The following NAALADL2 variants were observed in gnomAD, a reference collection of about 807,000 sequenced individuals.
NAALADL2 encodes inactive N-acetylated-alpha-linked acidic dipeptidase-like protein 2.
Under a neutral mutation model 87.2 loss-of-function variants are expected in NAALADL2, and 76 were observed. The ratio of observed to expected loss-of-function variants is 0.87; its 90% CI spans 0.72 to 1.05. NAALADL2 has a LOEUF of 1.05. Among genes scored for constraint, NAALADL2 ranks in the 50% least tolerant of loss-of-function variants. The pLI is 0.00. For missense variants in NAALADL2, 1,089 were observed against 945.8 expected, an observed-to-expected ratio of 1.15 and a Z score of -1.99; for synonymous variants, 354 against 331.0, an observed-to-expected ratio of 1.07 and a Z score of -0.75.
intron 4 of NAALADL2, among the ~76,000 whole-genome samples, chr3:175,277,473 G>A (rs112727323): frequency 6.0e-4 from 92 of 152,268 alleles, no homozygotes; most frequent in African/African-American, 2.0e-3. Context: ...ACGGGACAGT[G>A]AAGGACTGTG....
intron 1 of NAALADL2, among the ~76,000 whole-genome samples, chr3:175,069,849 C>A (rs1247103763): frequency 6.7e-6 from 1 of 148,710 alleles, no homozygotes; most frequent in Non-Finnish European, 1.5e-5. Flanking sequence ...ATGATGAGTT[C>A]ATGTCCTTTG....
Position 175,441,367 on chromosome 3 carries a change from G to A in NAALADL2, c.1091-5862G>A, listed in dbSNP as rs561580006. Among the ~76,000 whole-genome samples the A allele has an allele frequency of 3.3e-5, 5 of 152,186 alleles. No individual in the cohort carries two copies. The East Asian group carries it at 9.7e-4, about 29-fold the overall frequency. ...TGGATAGGTTATATGAAAATACTAG[G>A]CCAGTTTATTTAAGGGACTCGAGCA... On this transcript the variant is annotated intron_variant, in intron 5 of 13. Transcript: ENST00000454872.
At position 174,693,063 on chromosome 3, in the gene NAALADL2, T is replaced by C. The variant is rs550494894; in HGVS notation, c.-114-44578T>C. 3.3e-5 allele frequency among the ~76,000 whole-genome samples: 5 copies of C among 151,958 alleles called. No individual in the cohort carries two copies. The South Asian group carries it at 1.0e-3, about 32-fold the overall frequency. On this transcript the variant is annotated intron_variant, in intron 2 of 3. Coordinates refer to the NAALADL2 transcript ENST00000434257. Reference sequence around the variant, plus strand: ...TCTGTGATCAAAGTAGAAGTCTAAGTTCATGATATCTCTTGTGGATTAAGA... The same window carrying C: ...TCTGTGATCAAAGTAGAAGTCTAAGCTCATGATATCTCTTGTGGATTAAGA...
At chr3:174,606,139 G>A (rs1719029982) in intron 2 of NAALADL2, among the ~76,000 whole-genome samples, 1 of 152,144 alleles carries the variant, frequency 6.6e-6, no homozygotes, top group South Asian at 2.1e-4. Context: ...CTAACAAACA[G>A]AAAGGACATC....
At chr3:175,086,416 CAA>C (rs370401749) in intron 1 of NAALADL2, among the ~76,000 whole-genome samples, 1 of 146,672 alleles carries the variant, frequency 6.8e-6, no homozygotes. Context: ...ATTACAGAAA[CAA>C]AAAAAAAGAA....
rs975104189 is a variant in NAALADL2 at position 175,013,768 on chromosome 3, G to C, written c.44-83022G>C. Among the ~76,000 whole-genome samples, 13 of 151,826 alleles carry C rather than the reference G, an allele frequency of 8.6e-5. No individual in the cohort carries two copies. The East Asian group carries it at 2.5e-3, about 29-fold the overall frequency. Reference sequence around the variant, plus strand: ...CCCTTCTTTATATACAACTCTCCTGGTCTCGTAAGACCCAGCTCTTTGGGA... The same window carrying C: ...CCCTTCTTTATATACAACTCTCCTGCTCTCGTAAGACCCAGCTCTTTGGGA... On this transcript the variant is annotated intron_variant, in intron 1 of 13. Transcript: ENST00000454872.
At chr3:175,350,913 T>C (rs1264667337) in intron 5 of NAALADL2, among the ~76,000 whole-genome samples, 2 of 152,168 alleles carry the variant, frequency 1.3e-5, no homozygotes, top group Non-Finnish European at 2.9e-5. Context: ...ATGGATACTT[T>C]CACATACATA....
At chr3:175,743,923 T>C (rs915894042) in intron 12 of NAALADL2, among the ~76,000 whole-genome samples, 4 of 152,146 alleles carry the variant, frequency 2.6e-5, no homozygotes, top group African/African-American at 9.7e-5. Context: ...GAATTAAGCT[T>C]TTTGTAAGAG....
chr3:174,755,406 G>A (rs1034693855), intron 3 of NAALADL2, among the ~76,000 whole-genome samples: 1 of 152,130 alleles, frequency 6.6e-6, no homozygotes, highest in Non-Finnish European at 1.5e-5. Flanking sequence ...TGTGGCTAAT[G>A]AATGTCCTCA....
At chr3:174,707,511 C>A (rs1486409534) in intron 2 of NAALADL2, among the ~76,000 whole-genome samples, 1 of 151,992 alleles carries the variant, frequency 6.6e-6, no homozygotes, top group African/African-American at 2.4e-5. Flanking sequence ...ATGGATGAAG[C>A]TGGAAACCAT....
intron 5 of NAALADL2, among the ~76,000 whole-genome samples, chr3:175,349,207 T>A (rs1278139716): frequency 3.7e-5 from 5 of 136,072 alleles, no homozygotes; most frequent in East Asian, 2.2e-4. Context: ...CAACTGCTAT[T>A]AAAAAAAAAA....
At chr3:175,400,935 G>A (rs1374753279) in intron 5 of NAALADL2, among the ~76,000 whole-genome samples, 1 of 152,088 alleles carries the variant, frequency 6.6e-6, no homozygotes, top group Non-Finnish European at 1.5e-5. Flanking sequence ...ATCTGCTGAA[G>A]GTATGTACAG....
chr3:175,156,041 C>T lies in NAALADL2; in HGVS notation c.545+58750C>T, dbSNP rs185047443. 1.3e-4 allele frequency among the ~76,000 whole-genome samples: 20 copies of T among 152,254 alleles called. 1 individual carries two copies. Among genetic ancestry groups the T allele is most frequent in the Admixed American group, 1.3e-3 (20 of 15,286 alleles). On this transcript the variant is annotated intron_variant, in intron 2 of 13. Coordinates refer to ENST00000454872, the MANE Select transcript of NAALADL2 (RefSeq NM_207015.3). ...TATTCTTACAGAAGAAGTTTAATGT[C>T]TCTTTGAAGGTGTTTATTTCCAAAG...
chr3:175,404,227 T>G (rs1711878371), intron 5 of NAALADL2, among the ~76,000 whole-genome samples: 1 of 152,142 alleles, frequency 6.6e-6, no homozygotes, highest in Non-Finnish European at 1.5e-5. Flanking sequence ...GCCTGGATTC[T>G]GATCCTCATC....
At chr3:175,259,974 G>T (rs1484236947) in intron 4 of NAALADL2, among the ~76,000 whole-genome samples, 1 of 151,918 alleles carries the variant, frequency 6.6e-6, no homozygotes, top group Non-Finnish European at 1.5e-5. Context: ...GTTGTAGTGA[G>T]CCAGGATTTC....
chr3:175,616,903 A>C (rs537147219), intron 10 of NAALADL2, among the ~76,000 whole-genome samples: 1 of 152,216 alleles, frequency 6.6e-6, no homozygotes, highest in East Asian at 1.9e-4. Context: ...CCCCTAAGGT[A>C]GATCTGGATC....
chr3:175,365,443 A>T lies in NAALADL2; in HGVS notation c.1090+41118A>T, dbSNP rs1331349616. Among the ~76,000 whole-genome samples, 2 of 147,806 alleles carry T rather than the reference A, an allele frequency of 1.4e-5. 1 individual carries two copies. Among genetic ancestry groups the T allele is most frequent in the Non-Finnish European group, 3.0e-5 (2 of 66,552 alleles). ...TCACAGACTATTAGTAAATTTTCTT[A>T]AACTGCACTACTAGTAAATGGAATA... On this transcript the variant is annotated intron_variant, in intron 5 of 13. Transcript: ENST00000454872.
chr3:175,113,481 A>C (rs529355553), intron 2 of NAALADL2, among the ~76,000 whole-genome samples: 43 of 151,718 alleles, frequency 2.8e-4, no homozygotes, highest in Non-Finnish European at 5.9e-5. Context: ...TTTCTTGCTA[A>C]GATTCTATCA....
intron 4 of NAALADL2, among the ~76,000 whole-genome samples, chr3:175,285,822 A>C (rs1754906988): frequency 6.6e-6 from 1 of 152,284 alleles, no homozygotes; most frequent in East Asian, 1.9e-4. Flanking sequence ...TACCTATTTA[A>C]TGTATTAAAT....
Sources: gnomAD v4.1 joint callset for allele counts (sites outside exome capture counted in the v4.1 genomes callset) on GRCh38, gnomAD v4.1.1 for gene constraint, MANE v1.5 for transcripts, NCBI Gene and HGNC (gene_info 2026-07-23, HGNC 2026-07-21) for gene names.